The following EYS variants were observed in gnomAD, a reference collection of about 807,000 sequenced individuals.
EYS encodes the protein protein eyes shut homolog.
Under a neutral mutation model 282.1 loss-of-function variants are expected in EYS, and 250 were observed. The observed-to-expected ratio is 0.89, with a 90% CI of 0.80 to 0.98. The LOEUF (loss-of-function observed/expected upper bound fraction) is 0.98, where lower values mean the gene tolerates loss of function less well. EYS is among the 50% of genes least tolerant of loss of function. The pLI is 0.00. For missense variants in EYS, 4,016 were observed against 3,709.0 expected, an observed-to-expected ratio of 1.08 and a Z score of -2.15; for synonymous variants, 1,355 against 1,282.9, an observed-to-expected ratio of 1.06 and a Z score of -1.20.
chr6:64,886,704 A>G lies in EYS; in HGVS notation c.2985T>C (p.Gly995=). 1 of 1,544,828 alleles carries G rather than the reference A, an allele frequency of 6.5e-7. No individual in the cohort carries two copies. The highest frequency in any genetic ancestry group is 8.7e-7 in the Non-Finnish European group (1 of 1,143,502). The change falls in exon 19 of 43, where the codon GGT becomes GGC. Residue 995 remains glycine (G), a synonymous_variant. Coordinates refer to ENST00000503581, the MANE Select transcript of EYS (RefSeq NM_001142800.2). The part of the protein sequence containing the change: ...TDGYNCLCAP[G]YTGINCEINL... The stretch of plus-strand genomic sequence containing the variant: ...GGACAGATATGGATTTACCTGTATA[A>G]CCAGGGGCACAGAGGCAGTTGTATC...
At chr6:63,870,450 C>G (rs891465190) in intron 35 of EYS, among the ~76,000 whole-genome samples, 3 of 152,156 alleles carry the variant, frequency 2.0e-5, no homozygotes, top group Admixed American at 2.0e-4. Flanking sequence ...TAGTAGATAA[C>G]AACTCTCTAG....
At chr6:64,677,925 A>T (rs1769751474) in intron 22 of EYS, among the ~76,000 whole-genome samples, 1 of 148,632 alleles carries the variant, frequency 6.7e-6, no homozygotes, top group African/African-American at 2.5e-5. Context: ...TTTAAAAGTA[A>T]AAAAAAAAAT....
intron 35 of EYS, among the ~76,000 whole-genome samples, chr6:63,925,328 A>T (rs1489484347): frequency 1.3e-5 from 2 of 152,220 alleles, no homozygotes; most frequent in African/African-American, 4.8e-5. Flanking sequence ...GAATAACAAG[A>T]GAAACAGAAG....
At chr6:64,974,367 T>C (rs1444199206) in intron 14 of EYS, among the ~76,000 whole-genome samples, 2 of 151,580 alleles carry the variant, frequency 1.3e-5, no homozygotes, top group Non-Finnish European at 2.9e-5. Context: ...ACGGTCATTT[T>C]TGGCAGCTTG....
At chr6:63,740,505 T>C (rs1275922501) in intron 41 of EYS, among the ~76,000 whole-genome samples, 1 of 152,200 alleles carries the variant, frequency 6.6e-6, no homozygotes, top group East Asian at 1.9e-4. Context: ...ATCCTGACTT[T>C]TGTTTTCAAA....
At chr6:63,952,425 G>C (rs528713644) in intron 35 of EYS, among the ~76,000 whole-genome samples, 27 of 152,202 alleles carry the variant, frequency 1.8e-4, no homozygotes, top group Non-Finnish European at 3.8e-4. Flanking sequence ...TTACAGTGGA[G>C]GGTAAGTCGG....
intron 31 of EYS, among the ~76,000 whole-genome samples, chr6:64,189,269 C>A (rs1324169879): frequency 3.9e-5 from 6 of 152,192 alleles, no homozygotes; most frequent in Non-Finnish European, 7.3e-5. Context: ...AGTGAGCAAA[C>A]AATGGCCACT....
At chr6:65,665,259 T>A (rs373533110) in intron 1 of EYS, among the ~76,000 whole-genome samples, 2 of 152,184 alleles carry the variant, frequency 1.3e-5, no homozygotes, top group East Asian at 1.9e-4. Flanking sequence ...GGCAGTCTTA[T>A]TTGTGCTATG....
intron 12 of EYS, among the ~76,000 whole-genome samples, chr6:65,221,859 C>T (rs1381893591): frequency 1.3e-5 from 2 of 152,166 alleles, no homozygotes; most frequent in East Asian, 3.9e-4. Context: ...GCCATCGGAA[C>T]CCACCTCTTG....
At chr6:64,468,672 T>C (rs555281319) in intron 26 of EYS, among the ~76,000 whole-genome samples, 1 of 152,320 alleles carries the variant, frequency 6.6e-6, no homozygotes, top group Admixed American at 6.5e-5. Context: ...CACCTTCAAG[T>C]AGGTCCTGGT....
intron 28 of EYS, among the ~76,000 whole-genome samples, chr6:64,411,870 ATATG>A (rs1439424485): frequency 2.3e-5 from 2 of 85,312 alleles, no homozygotes; most frequent in East Asian, 5.8e-4. Context: ...ATATTTGTAT[ATATG>A]TATGTAATAT....
chr6:65,331,050 A>G (rs1483322880), intron 11 of EYS: 10 of 984,096 alleles, frequency 1.0e-5, no homozygotes, highest in Non-Finnish European at 1.2e-5. Context: ...AGGCACCCAT[A>G]TGTGTTATGT....
intron 19 of EYS, among the ~76,000 whole-genome samples, chr6:64,835,144 C>T (rs1441464111): frequency 1.3e-5 from 2 of 151,718 alleles, no homozygotes; most frequent in Admixed American, 6.6e-5. Flanking sequence ...GCAGTACTCC[C>T]ATCTTTTTTA....
At chr6:65,532,539 A>G (rs2127309973) in intron 2 of EYS, among the ~76,000 whole-genome samples, 1 of 152,292 alleles carries the variant, frequency 6.6e-6, no homozygotes, top group Admixed American at 6.5e-5. Flanking sequence ...GCAATGTAAT[A>G]TCACATTTGT....
chr6:63,978,109 G>A (rs1220356373), intron 35 of EYS, among the ~76,000 whole-genome samples: 1 of 151,962 alleles, frequency 6.6e-6, no homozygotes, highest in East Asian at 1.9e-4. Context: ...ATCAATGACA[G>A]AAGAAAACAT....
chr6:64,256,110 A>AT (rs1308951702), intron 30 of EYS, among the ~76,000 whole-genome samples: 1 of 152,054 alleles, frequency 6.6e-6, no homozygotes, highest in Non-Finnish European at 1.5e-5. Context: ...GAATATAATC[A>AT]TAATACTCTT....
chr6:64,478,014 T>C (rs909781883), intron 26 of EYS, among the ~76,000 whole-genome samples: 2 of 152,084 alleles, frequency 1.3e-5, no homozygotes, highest in African/African-American at 4.8e-5. Flanking sequence ...AAAAGCACTA[T>C]GTACCATTAT....
intron 22 of EYS, among the ~76,000 whole-genome samples, chr6:64,778,361 AT>A (rs1468660332): frequency 1.3e-5 from 2 of 152,206 alleles, no homozygotes; most frequent in Non-Finnish European, 2.9e-5. Context: ...AATCTGCAAA[AT>A]CTTAGGCTCC....
chr6:64,026,926 G>T (rs1299222189), intron 33 of EYS, among the ~76,000 whole-genome samples: 2 of 152,174 alleles, frequency 1.3e-5, no homozygotes, highest in Middle Eastern at 3.2e-3. Context: ...AGATGATCCT[G>T]ATAGGTACAT....
Sources: allele counts gnomAD v4.1 joint callset (sites outside exome capture counted in the v4.1 genomes callset), GRCh38; gene constraint gnomAD v4.1.1; transcripts MANE v1.5; gene names NCBI Gene and HGNC (gene_info 2026-07-23, HGNC 2026-07-21).